KATNIP: variants seen among roughly 807,000 people sequenced by gnomAD.
KATNIP encodes katanin interacting protein, also known as katanin-interacting protein.
In KATNIP, 126 loss-of-function variants were observed where a neutral mutation model predicts 174.0. That is an observed-to-expected ratio of 0.72 (90% CI 0.63 to 0.84). The LOEUF (loss-of-function observed/expected upper bound fraction) is 0.84, where lower values mean the gene tolerates loss of function less well. Among genes scored for constraint, KATNIP ranks in the 40% least tolerant of loss-of-function variants. The pLI is 0.00. For missense variants in KATNIP, 1,958 were observed against 2,109.7 expected, an observed-to-expected ratio of 0.93 and a Z score of 1.41; for synonymous variants, 810 against 835.7, an observed-to-expected ratio of 0.97 and a Z score of 0.53.
intron 1 of KATNIP, among the ~76,000 whole-genome samples, chr16:27,552,836 A>G (rs1351210097): frequency 6.6e-6 from 1 of 152,024 alleles, no homozygotes; most frequent in Admixed American, 6.6e-5. Context: ...CTGGGATTAC[A>G]GGCATGTGCC....
chr16:27,661,120 T>C (rs1266538590), intron 6 of KATNIP, among the ~76,000 whole-genome samples: 2 of 152,224 alleles, frequency 1.3e-5, no homozygotes, highest in African/African-American at 4.8e-5. Context: ...ACACATAATC[T>C]AACAAGGAAT....
At chr16:27,757,178 G>A (rs2081765468) in intron 18 of KATNIP, among the ~76,000 whole-genome samples, 1 of 152,178 alleles carries the variant, frequency 6.6e-6, no homozygotes, top group South Asian at 2.1e-4. Context: ...TCATACTCCT[G>A]GGCTCACGAG....
At chr16:27,591,858 C>T (rs192182558) in intron 2 of KATNIP, among the ~76,000 whole-genome samples, 14 of 152,240 alleles carry the variant, frequency 9.2e-5, no homozygotes, top group Non-Finnish European at 2.1e-4. Context: ...TTCTTAAGCA[C>T]TCTTCCCTCC....
chr16:27,744,791 G>A (rs1050123660), intron 15 of KATNIP, among the ~76,000 whole-genome samples: 2 of 150,988 alleles, frequency 1.3e-5, no homozygotes, highest in African/African-American at 4.9e-5. Context: ...GCTGAGGCAT[G>A]AGAATCGCTT....
intron 6 of KATNIP, among the ~76,000 whole-genome samples, chr16:27,658,921 C>A (rs1340463617): frequency 6.6e-6 from 1 of 151,894 alleles, no homozygotes; most frequent in Non-Finnish European, 1.5e-5. Flanking sequence ...TGCTAGCATG[C>A]CCAGCTAATT....
rs145250707 is a variant in KATNIP at position 27,680,053 on chromosome 16, G to A, written c.809-1346G>A. 9.9e-5 allele frequency among the ~76,000 whole-genome samples: 15 copies of A among 152,010 alleles called. No homozygotes were observed. The South Asian group carries it at 1.9e-3, about 19-fold the overall frequency. The stretch of plus-strand genomic sequence containing the variant: ...CATCCACTTGGGCCAGCCCTCCCCC[G>A]TGCTCCCATAGCATCATCATGGCGC... On this transcript the variant is annotated intron_variant, in intron 7 of 27. Transcript: ENST00000261588.
At chr16:27,709,097 T>A in intron 13 of KATNIP, 177 bp downstream of exon 13, 5 of 546,690 alleles carry the variant, frequency 9.1e-6, no homozygotes, top group Non-Finnish European at 1.6e-5. Flanking sequence ...GGCAGGCGGA[T>A]CATTTGAGGT....
At chr16:27,588,709 C>T (rs1437081055) in intron 2 of KATNIP, among the ~76,000 whole-genome samples, 1 of 151,984 alleles carries the variant, frequency 6.6e-6, no homozygotes, top group African/African-American at 2.4e-5. Flanking sequence ...AATTAAATCG[C>T]AAAATAATTT....
chr16:27,750,401 G>A (rs1379770597), intron 16 of KATNIP, 95 bp downstream of exon 16: 1 of 1,081,832 alleles, frequency 9.2e-7, no homozygotes, highest in South Asian at 1.5e-5. Flanking sequence ...GCCAACAACA[G>A]ATCAGTCCTT....
At chr16:27,751,339 A>T (rs1359623655) in intron 16 of KATNIP, among the ~76,000 whole-genome samples, 2 of 152,092 alleles carry the variant, frequency 1.3e-5, no homozygotes, top group African/African-American at 2.4e-5. Flanking sequence ...CAGTCATTGG[A>T]ACCAAGGCTT....
At chr16:27,667,314 CAAA>C (rs113958873) in intron 6 of KATNIP, among the ~76,000 whole-genome samples, 2 of 108,580 alleles carry the variant, frequency 1.8e-5, no homozygotes, top group Non-Finnish European at 3.9e-5. Flanking sequence ...GACCCTGTTT[CAAA>C]AAAAAAAAAA....
intron 18 of KATNIP, among the ~76,000 whole-genome samples, chr16:27,760,118 C>G (rs889003072): frequency 6.6e-6 from 1 of 152,146 alleles, no homozygotes; most frequent in Non-Finnish European, 1.5e-5. Context: ...AGTCCTTTCA[C>G]CTCTCTGGGC....
At position 27,618,414 on chromosome 16, in the gene KATNIP, C is replaced by T. The variant is rs1596951675; in HGVS notation, c.64-11C>T. Reference sequence around the variant, plus strand: ...ATTCCGATATCACACTGCTCTGTTTCTTCATTTCAGGGTTACGCTAAGGAC... The same window carrying T: ...ATTCCGATATCACACTGCTCTGTTTTTTCATTTCAGGGTTACGCTAAGGAC... On this transcript the variant is annotated splice_polypyrimidine_tract_variant and intron_variant, in intron 2 of 27. Coordinates refer to ENST00000261588, the MANE Select transcript of KATNIP (RefSeq NM_015202.5). The T allele has an allele frequency of 1.3e-6, 2 of 1,560,148 alleles. No individual in the cohort carries two copies. The highest frequency in any genetic ancestry group is 1.4e-5 in the African/African-American group (1 of 73,964).
At chr16:27,586,061 A>G (rs979752247) in intron 2 of KATNIP, among the ~76,000 whole-genome samples, 1 of 152,112 alleles carries the variant, frequency 6.6e-6, no homozygotes, top group South Asian at 2.1e-4. Flanking sequence ...GATCATGCCA[A>G]TGCACTCCAG....
intron 3 of KATNIP, among the ~76,000 whole-genome samples, chr16:27,623,105 C>G (rs528045809): frequency 6.6e-6 from 1 of 152,296 alleles, no homozygotes; most frequent in South Asian, 2.1e-4. Context: ...GACTCAAATG[C>G]CACCCCCTCC....
chr16:27,674,408 C>T (rs893257579), intron 6 of KATNIP, among the ~76,000 whole-genome samples: 23 of 152,226 alleles, frequency 1.5e-4, no homozygotes, highest in Non-Finnish European at 7.3e-5. Flanking sequence ...GGACTGCATT[C>T]CTTCTGGAGG....
chr16:27,564,689 C>T (rs748864994), intron 1 of KATNIP, among the ~76,000 whole-genome samples: 4 of 152,072 alleles, frequency 2.6e-5, no homozygotes, highest in Non-Finnish European at 5.9e-5. Context: ...CCCACATCAG[C>T]CTGGAGGCAC....
intron 14 of KATNIP, among the ~76,000 whole-genome samples, chr16:27,728,063 C>CA (rs111485382): frequency 0.096 from 14,676 of 152,316 alleles, 826 homozygotes; most frequent in Middle Eastern, 0.13. Context: ...ACTTGGAAGT[C>CA]AAAGATGCAA....
At chr16:27,612,168 T>G (rs2075910165) in intron 2 of KATNIP, among the ~76,000 whole-genome samples, 1 of 152,176 alleles carries the variant, frequency 6.6e-6, no homozygotes, top group South Asian at 2.1e-4. Flanking sequence ...CCAGGTACTG[T>G]GCTAAATCCT....
Sources: allele counts gnomAD v4.1 joint callset (sites outside exome capture counted in the v4.1 genomes callset), GRCh38; gene constraint gnomAD v4.1.1; transcripts MANE v1.5; gene names NCBI Gene and HGNC (gene_info 2026-07-23, HGNC 2026-07-21).